FMN2: variants seen among roughly 807,000 people sequenced by gnomAD.
The protein encoded by FMN2 is formin-2.
FMN2 carries 51 observed loss-of-function variants against 142.3 expected under a neutral mutation model. The observed-to-expected ratio is 0.36, with a 90% CI of 0.29 to 0.45. The LOEUF (loss-of-function observed/expected upper bound fraction) is 0.45. FMN2 is among the 20% of genes least tolerant of loss of function. The pLI is 1.00. For synonymous variants in FMN2, 882 were observed against 869.8 expected (o/e 1.01, Z -0.25); for missense variants, 1,936 against 2,122.8 (o/e 0.91, Z 1.73).
chr1:240,360,463 C>T (rs1291260280), intron 14 of FMN2, among the ~76,000 whole-genome samples: 1 of 152,178 alleles, frequency 6.6e-6, no homozygotes, highest in Admixed American at 6.6e-5. Context: ...GGAATCCACT[C>T]CTAGAGTTAC....
At chr1:240,429,624 A>T (rs1675071063) in intron 15 of FMN2, among the ~76,000 whole-genome samples, 1 of 152,194 alleles carries the variant, frequency 6.6e-6, no homozygotes, top group Non-Finnish European at 1.5e-5. Context: ...TAGTCAACAT[A>T]GATTAATTTT....
rs566760541 is a variant in FMN2, at chr1:240,407,215, G to A, written c.4910+14653G>A. On this transcript the variant is annotated intron_variant, in intron 15 of 17. Coordinates refer to ENST00000319653, the MANE Select transcript of FMN2 (RefSeq NM_020066.5). Reference sequence around the variant, plus strand: ...TTCAGTGGTGCGATCTCGGCTTACCGCAACCTCCGCTGCCCGGGTTCAAGA... The same window carrying A: ...TTCAGTGGTGCGATCTCGGCTTACCACAACCTCCGCTGCCCGGGTTCAAGA... Among the ~76,000 whole-genome samples the A allele has an allele frequency of 2.6e-5, 4 of 151,392 alleles. No homozygotes were observed. The South Asian group carries it at 6.3e-4, about 24-fold the overall frequency.
intron 6 of FMN2, among the ~76,000 whole-genome samples, chr1:240,250,691 AT>A (rs1668247041): frequency 3.9e-5 from 6 of 152,046 alleles, no homozygotes; most frequent in Admixed American, 3.9e-4. Flanking sequence ...GTTTTGTAGA[AT>A]TTGGCAGTGA....
intron 13 of FMN2, among the ~76,000 whole-genome samples, chr1:240,350,550 T>A (rs1558447066): frequency 6.6e-6 from 1 of 152,212 alleles, no homozygotes; most frequent in South Asian, 2.1e-4. Context: ...TAACAGCTTT[T>A]TTATTTTTAA....
At chr1:240,400,888 C>T (rs1188025627) in intron 15 of FMN2, 3 of 152,250 alleles carry the variant, frequency 2.0e-5, no homozygotes, top group Non-Finnish European at 2.9e-5. Flanking sequence ...TTTTGGAGGC[C>T]GAGGCAGGCA....
At chr1:240,387,475 G>T (rs1001271904) in intron 14 of FMN2, among the ~76,000 whole-genome samples, 2 of 152,214 alleles carry the variant, frequency 1.3e-5, no homozygotes, top group African/African-American at 4.8e-5. Flanking sequence ...TCTTTAAAAA[G>T]TGGGGAGGGG....
chr1:240,429,183 T>C (rs1337868175), intron 15 of FMN2, among the ~76,000 whole-genome samples: 1 of 152,214 alleles, frequency 6.6e-6, no homozygotes, highest in Non-Finnish European at 1.5e-5. Context: ...AGTTTTGTTT[T>C]CATAGCCTTT....
At chr1:240,387,829 A>G (rs1673454641) in intron 14 of FMN2, among the ~76,000 whole-genome samples, 2 of 152,146 alleles carry the variant, frequency 1.3e-5, no homozygotes, top group Admixed American at 6.5e-5. Context: ...CATAAAGGAA[A>G]GACAGGAAGA....
chr1:240,178,576 G>T (rs968295573), intron 3 of FMN2, among the ~76,000 whole-genome samples: 1 of 151,802 alleles, frequency 6.6e-6, no homozygotes, highest in Admixed American at 6.6e-5. Flanking sequence ...CAAGTAGCTG[G>T]GACTCCAGCC....
chr1:240,347,429 C>T (rs144765812), intron 13 of FMN2, among the ~76,000 whole-genome samples: 240 of 152,296 alleles, frequency 1.6e-3, no homozygotes, highest in African/African-American at 5.6e-3. Context: ...ACTCTATATC[C>T]ATTCGGAATC....
intron 2 of FMN2, among the ~76,000 whole-genome samples, chr1:240,176,590 C>CA (rs1197578858): frequency 6.6e-6 from 1 of 152,206 alleles, no homozygotes; most frequent in African/African-American, 2.4e-5. Context: ...ATGTTGTACT[C>CA]AATCTACTTA....
At chr1:240,275,534 C>A (rs1255575576) in intron 7 of FMN2, among the ~76,000 whole-genome samples, 1 of 151,814 alleles carries the variant, frequency 6.6e-6, no homozygotes, top group African/African-American at 2.4e-5. Context: ...CTATTGTGAA[C>A]AGTGCTGCAA....
chr1:240,458,780 G>A (rs376611151), intron 16 of FMN2: 22 of 152,228 alleles, frequency 1.4e-4, no homozygotes, highest in East Asian at 3.9e-4. Context: ...CATCATGTAC[G>A]GCAGGAGTAT....
intron 13 of FMN2, among the ~76,000 whole-genome samples, chr1:240,344,667 A>C (rs1671851829): frequency 6.6e-6 from 1 of 152,220 alleles, no homozygotes; most frequent in African/African-American, 2.4e-5. Context: ...TTGAATTCTA[A>C]GATTTGATGC....
intron 6 of FMN2, among the ~76,000 whole-genome samples, chr1:240,224,644 TA>T (rs1667238164): frequency 6.6e-6 from 1 of 152,076 alleles, no homozygotes; most frequent in African/African-American, 2.4e-5. Context: ...GCATGAGTCT[TA>T]AACATACTCT....
At chr1:240,114,596 T>C (rs1156391693) in intron 1 of FMN2, among the ~76,000 whole-genome samples, 2 of 152,274 alleles carry the variant, frequency 1.3e-5, no homozygotes, top group African/African-American at 4.8e-5. Flanking sequence ...TGCTGTTCTT[T>C]AAGTGAACCC....
intron 8 of FMN2, among the ~76,000 whole-genome samples, chr1:240,303,632 C>T (rs1001580995): frequency 6.6e-6 from 1 of 152,058 alleles, no homozygotes; most frequent in Non-Finnish European, 1.5e-5. Flanking sequence ...TAATGTATCT[C>T]GATGTAGGGC....
intron 1 of FMN2, among the ~76,000 whole-genome samples, chr1:240,098,811 A>T (rs926132633): frequency 6.6e-6 from 1 of 152,130 alleles, no homozygotes; most frequent in Non-Finnish European, 1.5e-5. Flanking sequence ...TGACTGCTTT[A>T]TGAGTTGAGG....
Position 240,093,153 on chromosome 1 carries a change from G to C in FMN2, c.1044G>C (p.Glu348Asp), listed in dbSNP as rs1416466261. ...GAGGGGCTGGGGACACGGATGAGGA[G>C]GGTGAGGAGGATGCTTTTGAGGATG... Reference protein sequence around the residue: ...PVRGAGDTDEEGEEDAFEDAP... With the variant: ...PVRGAGDTDEDGEEDAFEDAP... Residue 348 changes from glutamate (E) to aspartate (D), a missense_variant, in exon 1 of 18, where the codon GAG becomes GAC. This residue lies in a region of FMN2 where 751 missense variants were observed against 791.8 expected (regional missense o/e 0.95). Coordinates refer to ENST00000319653, the MANE Select transcript of FMN2 (RefSeq NM_020066.5). 7.0e-7 allele frequency: 1 copy of C among 1,436,858 alleles called. No homozygotes were observed. The highest frequency in any genetic ancestry group is 1.5e-5 in the South Asian group (1 of 67,858). The allele number at this position is 1,436,858 out of a possible 1,614,324, so 89.0% of individuals were successfully genotyped here. A position where few individuals can be genotyped will look rare whatever the true frequency, so the allele number is the denominator to read the frequency against.
Sources: allele counts gnomAD v4.1 joint callset (sites outside exome capture counted in the v4.1 genomes callset), GRCh38; gene constraint gnomAD v4.1.1; regional missense constraint gnomAD v4.1.1; transcripts MANE v1.5; gene names NCBI Gene and HGNC (gene_info 2026-07-23, HGNC 2026-07-21).